Variants in RBMS1 observed in about 807,000 individuals in gnomAD.
RBMS1 encodes the protein RNA-binding motif, single-stranded-interacting protein 1.
A neutral mutation model predicts 62.3 loss-of-function variants in RBMS1; 17 were observed. The observed-to-expected ratio is 0.27, with a 90% confidence interval of 0.19 to 0.41. The LOEUF is 0.41. RBMS1 is among the 10% of genes least tolerant of loss of function. The probability of loss-of-function intolerance (pLI) is 1.00; values close to 1 mark genes in which losing one functional copy is unlikely to be tolerated. For missense variants in RBMS1, 334 were observed against 504.5 expected (o/e 0.66, Z 3.24); for synonymous variants, 172 against 170.0 (o/e 1.01, Z -0.09).
chr2:160,431,718 G>A (rs1225684416), intron 1 of RBMS1, among the ~76,000 whole-genome samples: 2 of 152,166 alleles, frequency 1.3e-5, no homozygotes. Flanking sequence ...CAATCCAGCA[G>A]TATGTTTCAC....
At chr2:160,318,353 T>C (rs1393122691) in intron 2 of RBMS1, 126 bp from the exon 3 acceptor site, 5 of 1,332,884 alleles carry the variant, frequency 3.8e-6, no homozygotes, top group African/African-American at 1.6e-5. Context: ...AACTTTAGAG[T>C]ACAAAATTTT....
In RBMS1 at chr2:160,395,623, CAAAAAAA is replaced by C. The variant is rs776181927; in HGVS notation, c.76-28239_76-28233del. 3.4e-4 allele frequency among the ~76,000 whole-genome samples: 18 copies of C among 53,050 alleles called. 1 individual carries two copies. The highest frequency in any genetic ancestry group is 2.0e-3 in the Admixed American group (11 of 5,408). 34.8% of individuals were successfully genotyped at this position (53,050 alleles called of 152,430 possible). On this transcript the variant is annotated intron_variant, in intron 1 of 13. Transcript: ENST00000348849. ...TGGGTGACACAGCGAGACTCCGTCT[CAAAAAAA>C]AAAAAAAAAAAAAAAATCAGATGCT...
chr2:160,345,028 A>C, intron 2 of RBMS1, among the ~76,000 whole-genome samples: 1 of 152,320 alleles, frequency 6.6e-6, no homozygotes. Context: ...AAATAAGCTT[A>C]GAATGTTACT....
intron 1 of RBMS1, among the ~76,000 whole-genome samples, chr2:160,485,194 G>GA (rs1685547875): frequency 6.6e-6 from 1 of 152,206 alleles, no homozygotes; most frequent in African/African-American, 2.4e-5. Flanking sequence ...GTCTAGAAGT[G>GA]AAGAGGGCTC....
chr2:160,282,555 T>A (rs549621894), intron 9 of RBMS1: 1 of 295,876 alleles, frequency 3.4e-6, no homozygotes, highest in African/African-American at 2.2e-5. Flanking sequence ...ATTTTTTATA[T>A]GCTTCAGTGG....
At chr2:160,388,918 C>A (rs752328191) in intron 1 of RBMS1, among the ~76,000 whole-genome samples, 8 of 152,250 alleles carry the variant, frequency 5.3e-5, no homozygotes, top group Non-Finnish European at 1.2e-4. Flanking sequence ...CACACAGTGA[C>A]AGGCCAGATC....
intron 1 of RBMS1, among the ~76,000 whole-genome samples, chr2:160,398,917 T>C (rs939619336): frequency 2.6e-5 from 4 of 152,176 alleles, no homozygotes; most frequent in African/African-American, 9.7e-5. Flanking sequence ...ATTTAATACA[T>C]TCACACTGCC....
chr2:160,293,463 T>C (rs552996284), intron 6 of RBMS1, among the ~76,000 whole-genome samples: 11 of 152,342 alleles, frequency 7.2e-5, no homozygotes, highest in South Asian at 2.1e-4. Context: ...ATGCACTTCA[T>C]TGAGGCTCCT....
intron 6 of RBMS1, among the ~76,000 whole-genome samples, chr2:160,300,229 C>T (rs1166921024): frequency 6.6e-6 from 1 of 152,100 alleles, no homozygotes; most frequent in Non-Finnish European, 1.5e-5. Flanking sequence ...GTAATGACAA[C>T]ACAATGTAAA....
intron 1 of RBMS1, among the ~76,000 whole-genome samples, chr2:160,475,880 G>C (rs1343907532): frequency 7.1e-6 from 1 of 140,264 alleles, no homozygotes; most frequent in Non-Finnish European, 1.5e-5. Flanking sequence ...TTTTTGAGAA[G>C]GGTTCTCACT....
At chr2:160,341,972 T>C (rs1691898171) in intron 2 of RBMS1, among the ~76,000 whole-genome samples, 1 of 152,200 alleles carries the variant, frequency 6.6e-6, no homozygotes. Flanking sequence ...TGAAATCAAA[T>C]GACAGTAACT....
At chr2:160,453,007 G>A (rs964443224) in intron 1 of RBMS1, among the ~76,000 whole-genome samples, 2 of 152,122 alleles carry the variant, frequency 1.3e-5, no homozygotes, top group Non-Finnish European at 2.9e-5. Context: ...TACCTTACAG[G>A]ACTCACGTAA....
chr2:160,388,901 A>G (rs1390418023), intron 1 of RBMS1, among the ~76,000 whole-genome samples: 1 of 152,274 alleles, frequency 6.6e-6, no homozygotes, highest in African/African-American at 2.4e-5. Flanking sequence ...CTTCCACAGC[A>G]TACACCCACA....
intron 1 of RBMS1, among the ~76,000 whole-genome samples, chr2:160,459,121 G>A (rs1401973378): frequency 1.3e-5 from 2 of 152,074 alleles, no homozygotes; most frequent in African/African-American, 4.8e-5. Flanking sequence ...TTTGGGTTAG[G>A]GTCGGTCTCT....
intron 6 of RBMS1, among the ~76,000 whole-genome samples, chr2:160,297,935 T>C (rs991547173): frequency 2.0e-5 from 3 of 152,196 alleles, no homozygotes; most frequent in Non-Finnish European, 2.9e-5. Context: ...TCTTTCCTTC[T>C]AACTGAGAGG....
At chr2:160,311,236 A>ATATCTATATATCTATATATCTATATC (rs1303110202) in intron 4 of RBMS1, among the ~76,000 whole-genome samples, 67 of 60,710 alleles carry the variant, frequency 1.1e-3, no homozygotes, top group African/African-American at 3.9e-3. Context: ...ATCTATCTAT[A>ATATCTATATATCTATATATCTATATC]TATATATATA....
chr2:160,418,155 G>A (rs1171561331), intron 1 of RBMS1, among the ~76,000 whole-genome samples: 1 of 152,146 alleles, frequency 6.6e-6, no homozygotes, highest in East Asian at 1.9e-4. Context: ...TGCTGTTACT[G>A]CTTTAAACTG....
In RBMS1 at chr2:160,361,554, A is replaced by T. The variant is rs569941385; in HGVS notation, c.251+5662T>A. On this transcript the variant is annotated intron_variant, in intron 2 of 13. Transcript: ENST00000348849. The stretch of plus-strand genomic sequence containing the variant: ...TATTGCAATAAAACAAGTCAAACGA[A>T]TTTTTTTGTTTCCCAAGCATATGTA... Among the ~76,000 whole-genome samples, 4 of 152,288 alleles carry T rather than the reference A, an allele frequency of 2.6e-5. No individual in the cohort carries two copies. The South Asian group carries it at 6.2e-4, about 24-fold the overall frequency.
intron 2 of RBMS1, among the ~76,000 whole-genome samples, chr2:160,365,617 T>C (rs1001073159): frequency 1.3e-5 from 2 of 152,248 alleles, no homozygotes; most frequent in Non-Finnish European, 2.9e-5. Flanking sequence ...AACTGTCTCC[T>C]TGACATCAAA....
Sources: allele counts gnomAD v4.1 joint callset (sites outside exome capture counted in the v4.1 genomes callset), GRCh38; gene constraint gnomAD v4.1.1; transcripts MANE v1.5; gene names NCBI Gene and HGNC (gene_info 2026-07-23, HGNC 2026-07-21).